The following ZNF138 variants were observed in gnomAD, a reference collection of about 807,000 sequenced individuals.
The protein encoded by ZNF138 is zinc finger protein 138.
In ZNF138, 33 loss-of-function variants were observed where a neutral mutation model predicts 33.0. That is an observed-to-expected ratio of 1.00 (90% CI 0.76 to 1.34). The LOEUF (loss-of-function observed/expected upper bound fraction) is 1.34. Ranked by LOEUF, ZNF138 falls within the 40% of genes most tolerant of loss-of-function variation. ZNF138 has a pLI of 0.00. For synonymous variants in ZNF138, 139 were observed against 120.4 expected, an observed-to-expected ratio of 1.15 and a Z score of -1.01; for missense variants, 360 against 370.8, an observed-to-expected ratio of 0.97 and a Z score of 0.24.
the ZNF138 span, among the ~76,000 whole-genome samples, chr7:64,840,429 C>T: frequency 6.6e-6 from 1 of 151,748 alleles, no homozygotes; most frequent in Non-Finnish European, 1.5e-5. Context: ...ATAATTTAAA[C>T]TTATTTTTCT....
Position 64,813,519 on chromosome 7 carries a change from T to G in ZNF138, c.4-1399T>G, listed in dbSNP as rs527754511. Among the ~76,000 whole-genome samples, 61 of 151,902 alleles carry G rather than the reference T, an allele frequency of 4.0e-4. 1 individual carries two copies. The highest frequency in any genetic ancestry group is 7.9e-4 in the Non-Finnish European group (54 of 67,950). On this transcript the variant is annotated intron_variant, in intron 1 of 3. Transcript: ENST00000307355. ...CGGGATCTCCGCTCACTGCAAGCTC[T>G]GCCTCCCGGGTTGACGCCATTCTCC...
chr7:64,825,154 CTTTTTTTTTTTTTTT>C (rs71061316), intron 3 of ZNF138, among the ~76,000 whole-genome samples: 9 of 45,986 alleles, frequency 2.0e-4, no homozygotes, highest in African/African-American at 6.8e-4. Context: ...GTTGTATGCT[CTTTTTTTTTTTTTTT>C]TTTTTTTTTT....
rs777159071 is a variant in ZNF138 at position 64,831,585 on chromosome 7, G to C, written c.343G>C (p.Asp115His). Residue 115 changes from aspartate to histidine, a missense_variant, in exon 4 of 4, where the codon GAT becomes CAT. Asp to His is a moderately conservative substitution (Grantham distance 81). Coordinates refer to ENST00000307355, the MANE Select transcript of ZNF138 (RefSeq NM_001271639.2). The stretch of plus-strand genomic sequence containing the variant: ...GTTAAGAAAAGGCTGTAAAAGTGTG[G>C]ATGAGTGTAAGGGACACCAAGGAGG... Reference protein sequence around the residue: ...LQLRKGCKSVDECKGHQGGFN... With the variant: ...LQLRKGCKSVHECKGHQGGFN... 1 of 1,613,626 alleles carries C rather than the reference G, an allele frequency of 6.2e-7. No homozygotes were observed. Among genetic ancestry groups the C allele is most frequent in the African/African-American group, 1.3e-5 (1 of 75,036 alleles).
At chr7:64,846,077 T>A in the ZNF138 span, among the ~76,000 whole-genome samples, 1 of 152,216 alleles carries the variant, frequency 6.6e-6, no homozygotes, top group African/African-American at 2.4e-5. Context: ...GCTGTAAGTA[T>A]TTGAGTGTAT....
At position 64,831,714 on chromosome 7, in the gene ZNF138, A is replaced by T; in HGVS notation, c.472A>T (p.Lys158Ter). 6.2e-7 allele frequency: 1 copy of T among 1,611,018 alleles called. No homozygotes were observed. Among genetic ancestry groups the T allele is most frequent in the Non-Finnish European group, 8.5e-7 (1 of 1,178,744 alleles). ...TAAATTTTCAAATTCAAATAGACAC[A>T]AGATAAGACATACTGAAAATAAACA... Reference protein sequence around the residue: ...MHKFSNSNRHKIRHTENKHFR... With the variant: ...MHKFSNSNRH Residue 158 changes from lysine (K) to a stop codon, truncating the protein, a stop_gained, in exon 4 of 4, where the codon AAG becomes TAG. Coordinates refer to ENST00000307355, the MANE Select transcript of ZNF138 (RefSeq NM_001271639.2). LOFTEE classifies it high-confidence loss of function.
chr7:64,845,002 G>A, the ZNF138 span, among the ~76,000 whole-genome samples: 1,585 of 152,230 alleles, frequency 0.01, 23 homozygotes, highest in African/African-American at 0.036. Flanking sequence ...TTTGTTAGTG[G>A]TGATTTGTGA....
chr7:64,833,911 A>G (rs1299050108), downstream of ZNF138, among the ~76,000 whole-genome samples: 1 of 152,148 alleles, frequency 6.6e-6, no homozygotes, highest in African/African-American at 2.4e-5. Context: ...TTTTTAGTAG[A>G]GACAGGATTT....
At chr7:64,852,355 C>A in the ZNF138 span, 2 of 1,249,052 alleles carry the variant, frequency 1.6e-6, no homozygotes, top group African/African-American at 1.5e-5. Flanking sequence ...GGAAATAGAT[C>A]TATTTAAAAA....
At chr7:64,837,749 A>G (rs1790405308), downstream of ZNF138, among the ~76,000 whole-genome samples, 1 of 152,186 alleles carries the variant, frequency 6.6e-6, no homozygotes, top group African/African-American at 2.4e-5. Flanking sequence ...TGGAGATAAA[A>G]GCAGGCCAAA....
the ZNF138 span, among the ~76,000 whole-genome samples, chr7:64,852,117 G>A: frequency 1.3e-5 from 2 of 152,108 alleles, no homozygotes; most frequent in African/African-American, 4.8e-5. Context: ...TCGGCAAAAG[G>A]TAAGTGTCTA....
At chr7:64,853,283 A>C in the ZNF138 span, 6 of 1,612,000 alleles carry the variant, frequency 3.7e-6, no homozygotes, top group Non-Finnish European at 4.2e-6. Flanking sequence ...CCTTCAGTTC[A>C]GTGAATCTGG....
Position 64,832,398 on chromosome 7 carries a change from A to G in ZNF138, c.*196A>G, listed in dbSNP as rs548565183. On this transcript the variant is annotated 3_prime_UTR_variant, in exon 4 of 4. Transcript: ENST00000307355. Reference sequence around the variant, plus strand: ...GCTCACTGAACATAAGTTAATTCATACTGGAGAAAAACCCTACAAATGTAA... The same window carrying G: ...GCTCACTGAACATAAGTTAATTCATGCTGGAGAAAAACCCTACAAATGTAA... The G allele has an allele frequency of 6.2e-5, 95 of 1,521,050 alleles. 1 individual carries two copies. In the South Asian group the frequency reaches 1.2e-3, roughly 19 times the overall value. 94.2% of individuals were successfully genotyped at this position (1,521,050 alleles called of 1,614,324 possible).
Position 64,832,658 on chromosome 7 carries a change from G to C in ZNF138, c.*456G>C, listed in dbSNP as rs1417685836. The C allele has an allele frequency of 1.1e-5, 5 of 445,222 alleles. No homozygotes were observed. The Admixed American group carries it at 1.4e-4, about 12-fold the overall frequency. The allele number at this position is 445,222 out of a possible 1,614,324, so 27.6% of individuals were successfully genotyped here. ...GACATAAGAAAATTCATAGTAAAGAGAAACCCTACAAATGTGAACAGTGTG... is the reference window on the plus strand; with the variant it reads ...GACATAAGAAAATTCATAGTAAAGACAAACCCTACAAATGTGAACAGTGTG... On this transcript the variant is annotated 3_prime_UTR_variant, in exon 4 of 4. Coordinates refer to ENST00000307355, the MANE Select transcript of ZNF138 (RefSeq NM_001271639.2).
At chr7:64,828,542 C>T (rs1055804189) in intron 3 of ZNF138, among the ~76,000 whole-genome samples, 2 of 152,046 alleles carry the variant, frequency 1.3e-5, no homozygotes, top group African/African-American at 2.4e-5. Flanking sequence ...ATTATATTTA[C>T]TGAATGATTT....
chr7:64,816,578 A>G (rs957062532), intron 3 of ZNF138, among the ~76,000 whole-genome samples: 1 of 152,172 alleles, frequency 6.6e-6, no homozygotes, highest in African/African-American at 2.4e-5. Context: ...CAGTATTGAC[A>G]TGTTTTAATG....
At position 64,831,189 on chromosome 7, in the gene ZNF138, A is replaced by G. The variant is rs564359170; in HGVS notation, c.209-262A>G. ...AGAAAGAGCTGTGTTGGGTAAATGT[A>G]ACAGACTTTTCTCTCTCTTCTGTGT... On this transcript the variant is annotated intron_variant, in intron 3 of 3. Transcript: ENST00000307355. The G allele has an allele frequency of 2.1e-4, 296 of 1,397,088 alleles. 1 individual carries two copies. The highest frequency in any genetic ancestry group is 2.7e-4 in the Non-Finnish European group (282 of 1,036,990). The allele number at this position is 1,397,088 out of a possible 1,614,324, so 86.5% of individuals were successfully genotyped here.
intron 3 of ZNF138, among the ~76,000 whole-genome samples, chr7:64,817,942 C>G (rs985988869): frequency 4.0e-5 from 6 of 151,294 alleles, no homozygotes; most frequent in African/African-American, 1.5e-4. Flanking sequence ...ACAGGATTTT[C>G]ACTTACTTTC....
At chr7:64,840,823 G>C in the ZNF138 span, among the ~76,000 whole-genome samples, 3 of 152,166 alleles carry the variant, frequency 2.0e-5, no homozygotes, top group Admixed American at 6.5e-5. Context: ...AGCTATGCAC[G>C]TATGTTACTC....
Position 64,832,298 on chromosome 7 carries a change from A to G in ZNF138, c.*96A>G. ...TTAACCAGTTTTCAACCCTTATTAC[A>G]CATAAGATAATTCATAGCGGAGAGA... On this transcript the variant is annotated 3_prime_UTR_variant, in exon 4 of 4. Transcript: ENST00000307355. The G allele has an allele frequency of 6.3e-7, 1 of 1,584,614 alleles. No individual in the cohort carries two copies. The highest frequency in any genetic ancestry group is 8.6e-7 in the Non-Finnish European group (1 of 1,167,682).
Sources: gnomAD v4.1 joint callset for allele counts (sites outside exome capture counted in the v4.1 genomes callset) on GRCh38, gnomAD v4.1.1 for gene constraint, MANE v1.5 for transcripts, NCBI Gene and HGNC (gene_info 2026-07-23, HGNC 2026-07-21) for gene names.